Variants in UBE2R2 observed in about 807,000 individuals in gnomAD.
The protein encoded by UBE2R2 is ubiquitin conjugating enzyme E2 R2.
Under a neutral mutation model 27.8 loss-of-function variants are expected in UBE2R2, and 1 was observed. The ratio of observed to expected loss-of-function variants is 0.04; its 90% CI spans 0.01 to 0.17. The LOEUF (loss-of-function observed/expected upper bound fraction) is 0.17, where lower values mean the gene tolerates loss of function less well. Ranked by LOEUF, UBE2R2 falls within the 10% of genes least tolerant of loss-of-function variation. The pLI is 1.00. For missense variants in UBE2R2, 100 were observed against 291.0 expected (o/e 0.34, Z 4.78); for synonymous variants, 106 against 113.3 (o/e 0.94, Z 0.41).
At chr9:33,916,502 C>G (rs1822645310) in intron 4 of UBE2R2, among the ~76,000 whole-genome samples, 1 of 152,150 alleles carries the variant, frequency 6.6e-6, no homozygotes, top group African/African-American at 2.4e-5. Flanking sequence ...CCCCTAAGCA[C>G]CCCACCCCAC....
At position 33,918,656 on chromosome 9, in the gene UBE2R2, A is replaced by C. The variant is rs1210662451; in HGVS notation, c.*1419A>C. The stretch of plus-strand genomic sequence containing the variant: ...GGTTGTTATGGGGGTGCACCAGATC[A>C]TAGGAGGGCATTATTTGGAGGAAAC... On this transcript the variant is annotated 3_prime_UTR_variant, in exon 5 of 5. Coordinates refer to ENST00000263228, the MANE Select transcript of UBE2R2 (RefSeq NM_017811.4). 1.3e-5 allele frequency: 2 copies of C among 152,566 alleles called. No individual in the cohort carries two copies. Among genetic ancestry groups the C allele is most frequent in the Non-Finnish European group, 2.9e-5 (2 of 68,042 alleles). The allele number at this position is 152,566 out of a possible 1,614,324, so 9.5% of individuals were successfully genotyped here. A position where few individuals can be genotyped will look rare whatever the true frequency, so the allele number is the denominator to read the frequency against.
At chr9:33,916,018 G>A (rs961961502) in intron 4 of UBE2R2, among the ~76,000 whole-genome samples, 1 of 152,180 alleles carries the variant, frequency 6.6e-6, no homozygotes, top group Non-Finnish European at 1.5e-5. Flanking sequence ...AGACCAGGGT[G>A]AATGTGTTGA....
intron 1 of UBE2R2, among the ~76,000 whole-genome samples, chr9:33,828,488 C>A (rs1406958860): frequency 6.7e-6 from 1 of 149,318 alleles, no homozygotes; most frequent in African/African-American, 2.5e-5. Context: ...CTCCTGGGTT[C>A]AATCAGTTCT....
Position 33,889,670 on chromosome 9 carries a change from G to A in UBE2R2, c.264+2703G>A, listed in dbSNP as rs534831475. On this transcript the variant is annotated intron_variant, in intron 2 of 4. Coordinates refer to ENST00000263228, the MANE Select transcript of UBE2R2 (RefSeq NM_017811.4). Reference sequence around the variant, plus strand: ...GAGAAGTGAGAAGGAGCAAACTTTTGTCTTGCAATTGAGAGCTAATTACTT... The same window carrying A: ...GAGAAGTGAGAAGGAGCAAACTTTTATCTTGCAATTGAGAGCTAATTACTT... 4.1e-4 allele frequency among the ~76,000 whole-genome samples: 62 copies of A among 152,292 alleles called. 1 individual carries two copies. Among genetic ancestry groups the A allele is most frequent in the African/African-American group, 1.4e-3 (57 of 41,566 alleles).
chr9:33,861,882 C>T (rs1821246087), intron 1 of UBE2R2, among the ~76,000 whole-genome samples: 1 of 127,244 alleles, frequency 7.9e-6, no homozygotes, highest in African/African-American at 2.9e-5. Flanking sequence ...AAGACGGAGT[C>T]TCACACTGTC....
chr9:33,887,937 A>G (rs1821899197), intron 2 of UBE2R2, among the ~76,000 whole-genome samples: 1 of 152,200 alleles, frequency 6.6e-6, no homozygotes, highest in Non-Finnish European at 1.5e-5. Flanking sequence ...GGCCTCCCAA[A>G]GTGCCGGGAT....
chr9:33,832,721 AAT>A (rs1261989924), intron 1 of UBE2R2, among the ~76,000 whole-genome samples: 13 of 152,058 alleles, frequency 8.5e-5, no homozygotes, highest in Non-Finnish European at 1.5e-4. Flanking sequence ...ACTTTAATTA[AAT>A]TTTTTCAAGG....
chr9:33,847,908 C>T (rs915685332), intron 1 of UBE2R2, among the ~76,000 whole-genome samples: 11 of 152,078 alleles, frequency 7.2e-5, no homozygotes, highest in African/African-American at 2.7e-4. Context: ...TGTGCCACCA[C>T]ACTCGGCTAG....
chr9:33,902,942 A>T (rs572869568), intron 3 of UBE2R2, among the ~76,000 whole-genome samples: 1 of 152,254 alleles, frequency 6.6e-6, no homozygotes, highest in African/African-American at 2.4e-5. Context: ...TCTACTAAAA[A>T]TACAAAATTA....
rs1820343904 is a variant in UBE2R2, at chr9:33,827,610, C to T, written c.177+9676C>T. Among the ~76,000 whole-genome samples the T allele has an allele frequency of 4.0e-5, 6 of 151,844 alleles. No homozygotes were observed. The South Asian group carries it at 1.2e-3, about 32-fold the overall frequency. ...AAGCTGAGATTGCGCCATTGCACTC[C>T]AGCCTGGGCAACAAGAGTGAAATTC... On this transcript the variant is annotated intron_variant, in intron 1 of 4. Coordinates refer to ENST00000263228, the MANE Select transcript of UBE2R2 (RefSeq NM_017811.4).
chr9:33,832,379 G>A lies in UBE2R2; in HGVS notation c.177+14445G>A, dbSNP rs894686987. On this transcript the variant is annotated intron_variant, in intron 1 of 4. Coordinates refer to ENST00000263228, the MANE Select transcript of UBE2R2 (RefSeq NM_017811.4). Reference sequence around the variant, plus strand: ...GAACTTTAATCAAATTTTTTCGGCCGGGCGCTGTGGCTCATGCCTGTAATC... The same window carrying A: ...GAACTTTAATCAAATTTTTTCGGCCAGGCGCTGTGGCTCATGCCTGTAATC... Among the ~76,000 whole-genome samples, 5 of 149,950 alleles carry A rather than the reference G, an allele frequency of 3.3e-5. No homozygotes were observed. In the Middle Eastern group the frequency reaches 0.011, roughly 321 times the overall value.
intron 1 of UBE2R2, chr9:33,818,732 A>AT (rs1825898179): frequency 6.6e-6 from 1 of 152,134 alleles, no homozygotes. Flanking sequence ...GGAACGAGTC[A>AT]TGTAGGGAGA....
At chr9:33,916,306 A>C (rs1405920210) in intron 4 of UBE2R2, among the ~76,000 whole-genome samples, 1 of 152,100 alleles carries the variant, frequency 6.6e-6, no homozygotes, top group Non-Finnish European at 1.5e-5. Context: ...ACGCCGCTGC[A>C]CTCCAGCCTG....
chr9:33,831,301 T>A (rs1820473704), intron 1 of UBE2R2, among the ~76,000 whole-genome samples: 1 of 152,108 alleles, frequency 6.6e-6, no homozygotes, highest in Non-Finnish European at 1.5e-5. Context: ...AACAGTGGCT[T>A]AAATCTTAAA....
intron 1 of UBE2R2, among the ~76,000 whole-genome samples, chr9:33,886,011 G>A (rs58794850): frequency 6.6e-6 from 1 of 152,160 alleles, no homozygotes; most frequent in African/African-American, 2.4e-5. Flanking sequence ...TGCAGATACT[G>A]TCAGTCATCC....
chr9:33,888,457 G>C (rs1377267830), intron 2 of UBE2R2, among the ~76,000 whole-genome samples: 2 of 151,880 alleles, frequency 1.3e-5, no homozygotes. Flanking sequence ...TTGGCCCTGT[G>C]GATGTTGGAA....
intron 1 of UBE2R2, among the ~76,000 whole-genome samples, chr9:33,819,704 T>C (rs1272724075): frequency 6.6e-6 from 1 of 151,986 alleles, no homozygotes; most frequent in African/African-American, 2.4e-5. Flanking sequence ...AGTGGCGCGA[T>C]CTCGCCTCAC....
intron 1 of UBE2R2, among the ~76,000 whole-genome samples, chr9:33,848,762 G>A (rs1450633946): frequency 1.3e-5 from 2 of 151,738 alleles, no homozygotes; most frequent in African/African-American, 2.4e-5. Context: ...CTGCCACCAC[G>A]CCTGGCAGAT....
chr9:33,818,420 A>T (rs2130700897), intron 1 of UBE2R2, among the ~76,000 whole-genome samples: 1 of 150,778 alleles, frequency 6.6e-6, no homozygotes, highest in East Asian at 2.0e-4. Flanking sequence ...TCATTTCAGA[A>T]GCTGCCGAGT....
Sources: allele counts gnomAD v4.1 joint callset (sites outside exome capture counted in the v4.1 genomes callset), GRCh38; gene constraint gnomAD v4.1.1; transcripts MANE v1.5; gene names NCBI Gene and HGNC (gene_info 2026-07-23, HGNC 2026-07-21).